Variants in FAF1 observed in about 807,000 individuals in gnomAD.
FAF1 encodes Fas associated factor 1, also known as FAS-associated factor 1.
In FAF1, 25 loss-of-function variants were observed where a neutral mutation model predicts 92.5. That is an observed-to-expected ratio of 0.27 (90% CI 0.20 to 0.38). FAF1 has a LOEUF of 0.38. FAF1 is among the 10% of genes least tolerant of loss of function. The probability of loss-of-function intolerance (pLI) is 1.00; values close to 1 mark genes in which losing one functional copy is unlikely to be tolerated. For missense variants in FAF1, 636 were observed against 793.3 expected (o/e 0.80, Z 2.38); for synonymous variants, 234 against 273.2 (o/e 0.86, Z 1.42).
intron 2 of FAF1, among the ~76,000 whole-genome samples, chr1:50,818,886 A>G (rs1042438091): frequency 6.6e-6 from 1 of 152,118 alleles, no homozygotes. Flanking sequence ...CAGTCTAAAT[A>G]CAAATTCATT....
Position 50,440,336 on chromosome 1 carries a change from A to AC in FAF1, c.*1103dup, listed in dbSNP as rs1290740723. The AC allele has an allele frequency of 6.6e-6, 1 of 152,240 alleles. No homozygotes were observed. The highest frequency in any genetic ancestry group is 1.5e-5 in the Non-Finnish European group (1 of 68,040). 9.4% of individuals were successfully genotyped at this position (152,240 alleles called of 1,614,324 possible). On this transcript the variant is annotated 3_prime_UTR_variant, in exon 19 of 19. Coordinates refer to ENST00000396153, the MANE Select transcript of FAF1 (RefSeq NM_007051.3). ...TTATTATATGCAGGTTTCAGGCAACACATGTCTTCTGAGTTGAGTCCCCAA... is the reference window on the plus strand; with the variant it reads ...TTATTATATGCAGGTTTCAGGCAACACCATGTCTTCTGAGTTGAGTCCCCAA...
rs192255828 is a variant in FAF1 at position 50,494,326 on chromosome 1, T to A, written c.1495-2525A>T. Among the ~76,000 whole-genome samples the A allele has an allele frequency of 7.7e-4, 118 of 152,362 alleles. 1 individual carries two copies. Among genetic ancestry groups the A allele is most frequent in the African/African-American group, 2.7e-3 (113 of 41,586 alleles). Reference sequence around the variant, plus strand: ...GGTATTGTGGTTAACACTTCATGTATAAATTTGTTCTCATAACCTGTAGAT... The same window carrying A: ...GGTATTGTGGTTAACACTTCATGTAAAAATTTGTTCTCATAACCTGTAGAT... On this transcript the variant is annotated intron_variant, in intron 15 of 18. Transcript: ENST00000396153.
intron 12 of FAF1, among the ~76,000 whole-genome samples, chr1:50,574,563 C>A (rs1572843694): frequency 6.6e-6 from 1 of 152,130 alleles, no homozygotes; most frequent in Non-Finnish European, 1.5e-5. Context: ...ACAAGCATGA[C>A]AAAAGGAGTG....
At chr1:50,786,878 T>C (rs919466492) in intron 4 of FAF1, among the ~76,000 whole-genome samples, 2 of 152,166 alleles carry the variant, frequency 1.3e-5, no homozygotes, top group African/African-American at 4.8e-5. Flanking sequence ...AGCTTTTGAA[T>C]GGCTTTAAGA....
chr1:50,821,875 A>G (rs750857005), intron 2 of FAF1, among the ~76,000 whole-genome samples: 3 of 152,110 alleles, frequency 2.0e-5, no homozygotes, highest in African/African-American at 4.8e-5. Context: ...AAAGAAGTAG[A>G]TTGCAGACAA....
In FAF1 at chr1:50,567,119, A is replaced by G; in HGVS notation, c.1226T>C (p.Ile409Thr). The change falls in exon 13 of 19, where the codon ATA becomes ACA. Residue 409 changes from isoleucine (I) to threonine (T), a missense_variant. By Grantham distance (89) the Ile-to-Thr change is moderately conservative. Transcript: ENST00000396153. ...CTTTGTCAGATCCCAAGCCCAGGTT[A>G]TAAAATTTTGACTCAGATAAGAAAC... ...SIVSYLSQNF[I>T]TWAWDLTKDS... 6.2e-7 allele frequency: 1 copy of G among 1,609,918 alleles called. No homozygotes were observed. Among genetic ancestry groups the G allele is most frequent in the Non-Finnish European group, 8.5e-7 (1 of 1,177,216 alleles).
chr1:50,535,408 C>A lies in FAF1; in HGVS notation c.1455G>T (p.Glu485Asp). 7 of 1,612,594 alleles carry A rather than the reference C, an allele frequency of 4.3e-6. No individual in the cohort carries two copies. The highest frequency in any genetic ancestry group is 1.3e-5 in the African/African-American group (1 of 74,980). The change falls in exon 15 of 19, where the codon GAG becomes GAT. Residue 485 changes from glutamate to aspartate, a missense_variant. This residue lies in a region of FAF1 where 319 missense variants were observed against 451.0 expected (regional missense o/e 0.71). Coordinates refer to ENST00000396153, the MANE Select transcript of FAF1 (RefSeq NM_007051.3). ...CTTCCTGTTGTTGGGCTGTGAAGAT[C>A]TCCATTGCAGCCATGAGTCTCATCA... is the stretch of plus-strand genomic sequence containing the variant. ...ELMMRLMAAM[E>D]IFTAQQQEDI...
At chr1:50,834,138 G>C (rs2105211) in intron 2 of FAF1, among the ~76,000 whole-genome samples, 17,870 of 152,182 alleles carry the variant, frequency 0.12, 1,274 homozygotes, top group African/African-American at 0.2. Flanking sequence ...TAGCACCCCC[G>C]CTTCGCCCTC....
chr1:50,444,172 A>G (rs1369746559), intron 18 of FAF1, among the ~76,000 whole-genome samples: 1 of 152,206 alleles, frequency 6.6e-6, no homozygotes, highest in African/African-American at 2.4e-5. Context: ...AGGGGGATGT[A>G]GGACATCATG....
intron 1 of FAF1, among the ~76,000 whole-genome samples, chr1:50,916,529 C>T (rs922686825): frequency 6.6e-6 from 1 of 152,214 alleles, no homozygotes; most frequent in African/African-American, 2.4e-5. Context: ...TAGAGCCCCA[C>T]TTCCTCAGGA....
rs1650514095 is a variant in FAF1, at chr1:50,572,935, G to A, written c.1114-5704C>T. The stretch of plus-strand genomic sequence containing the variant: ...GCTGGTCTTGAACTCCTGGGCTCAA[G>A]TGATCCTCCTGACCTGGCCTCCCAA... On this transcript the variant is annotated intron_variant, in intron 12 of 18. Coordinates refer to ENST00000396153, the MANE Select transcript of FAF1 (RefSeq NM_007051.3). Among the ~76,000 whole-genome samples the A allele has an allele frequency of 5.9e-5, 9 of 152,236 alleles. No homozygotes were observed. The South Asian group carries it at 1.9e-3, about 32-fold the overall frequency.
chr1:50,453,049 C>T (rs1377078893), intron 18 of FAF1, among the ~76,000 whole-genome samples: 1 of 152,148 alleles, frequency 6.6e-6, no homozygotes, highest in East Asian at 1.9e-4. Flanking sequence ...AGGATAGTTC[C>T]CTTTTGCTTT....
At chr1:50,628,160 T>C (rs572663971) in intron 8 of FAF1, among the ~76,000 whole-genome samples, 2 of 152,276 alleles carry the variant, frequency 1.3e-5, no homozygotes, top group South Asian at 2.1e-4. Flanking sequence ...AGACTTGCCA[T>C]GTTTAAATGT....
chr1:50,543,681 C>A (rs554500363), intron 13 of FAF1, among the ~76,000 whole-genome samples: 17 of 151,800 alleles, frequency 1.1e-4, no homozygotes, highest in African/African-American at 3.6e-4. Flanking sequence ...TAGCTACAGG[C>A]CAGCTCTATG....
chr1:50,934,874 T>TA (rs1336963782), intron 1 of FAF1, among the ~76,000 whole-genome samples: 2 of 152,360 alleles, frequency 1.3e-5, no homozygotes, highest in East Asian at 3.9e-4. Context: ...TGTTTCTGAT[T>TA]AGACATTAGC....
At chr1:50,456,641 T>C (rs1646356004) in intron 18 of FAF1, among the ~76,000 whole-genome samples, 1 of 152,228 alleles carries the variant, frequency 6.6e-6, no homozygotes, top group Non-Finnish European at 1.5e-5. Flanking sequence ...ACTACACAAG[T>C]ATTTTCGGAG....
intron 2 of FAF1, among the ~76,000 whole-genome samples, chr1:50,838,974 A>C (rs1438471967): frequency 6.6e-6 from 1 of 152,158 alleles, no homozygotes; most frequent in Non-Finnish European, 1.5e-5. Context: ...TGTGACAAAA[A>C]CACAAGGGGG....
At chr1:50,585,578 G>C (rs1651187699) in intron 9 of FAF1, among the ~76,000 whole-genome samples, 1 of 152,086 alleles carries the variant, frequency 6.6e-6, no homozygotes. Flanking sequence ...TTTGGACTGG[G>C]CTGTAAATAC....
intron 15 of FAF1, among the ~76,000 whole-genome samples, chr1:50,507,721 A>G (rs555618672): frequency 6.6e-6 from 1 of 152,260 alleles, no homozygotes; most frequent in Non-Finnish European, 1.5e-5. Context: ...GTCTTAAAAA[A>G]GAAAAAAGGT....
Sources: allele counts gnomAD v4.1 joint callset (sites outside exome capture counted in the v4.1 genomes callset), GRCh38; gene constraint gnomAD v4.1.1; regional missense constraint gnomAD v4.1.1; transcripts MANE v1.5; gene names NCBI Gene and HGNC (gene_info 2026-07-23, HGNC 2026-07-21).